TMEM214: variants seen among roughly 807,000 people sequenced by gnomAD.
TMEM214 encodes transmembrane protein 214.
Under a neutral mutation model 89.8 loss-of-function variants are expected in TMEM214, and 71 were observed. The ratio of observed to expected loss-of-function variants is 0.79; its 90% CI spans 0.65 to 0.96. TMEM214 has a LOEUF of 0.96. TMEM214 is among the 40% of genes least tolerant of loss of function. TMEM214 has a pLI of 0.00. For missense variants in TMEM214, 754 were observed against 843.4 expected, an observed-to-expected ratio of 0.89 and a Z score of 1.31; for synonymous variants, 332 against 349.5, an observed-to-expected ratio of 0.95 and a Z score of 0.56.
In TMEM214 at chr2:27,035,968, AGGGGAGTCACTACAT is replaced by A. The variant is rs779711130; in HGVS notation, c.639_653del (p.Glu214_Gly218del). The A allele has an allele frequency of 4.3e-6, 7 of 1,614,004 alleles. No individual in the cohort carries two copies. In the African/African-American group the frequency reaches 9.3e-5, roughly 22 times the overall value. ...TAGGTGTGAGAATGTGTATCTCTCC[AGGGGAGTCACTACAT>A]GGTTACCGCATCTGTATCCAGGCCA... On this transcript the variant is annotated splice_acceptor_variant and coding_sequence_variant, in exon 5 of 17. Transcript: ENST00000238788. LOFTEE classifies it high-confidence loss of function.
chr2:27,033,409 T>C (rs1446335148), intron 1 of TMEM214, among the ~76,000 whole-genome samples: 2 of 152,156 alleles, frequency 1.3e-5, no homozygotes, highest in African/African-American at 2.4e-5. Context: ...TCAGAGGGGC[T>C]AGGATTCCGG....
rs578217345 is a variant in TMEM214, at chr2:27,033,067, C to G, written c.52C>G (p.Arg18Gly). 8.0e-7 allele frequency: 1 copy of G among 1,247,690 alleles called. No individual in the cohort carries two copies. Among genetic ancestry groups the G allele is most frequent in the East Asian group, 3.2e-5 (1 of 31,668 alleles). 77.3% of individuals were successfully genotyped at this position (1,247,690 alleles called of 1,614,324 possible). ...VGRWEVVKKG[R>G]RPGVGAGAGG... ...GCGGTGGGAGGTAGTGAAGAAGGGT[C>G]GGCGGCCTGGGGTCGGCGCCGGCGC... is the stretch of plus-strand genomic sequence containing the variant. Residue 18 changes from arginine to glycine, a missense_variant, in exon 1 of 17, where the codon CGG becomes GGG. Transcript: ENST00000238788.
At chr2:27,035,919 G>T (rs1218963625) in intron 4 of TMEM214, 51 bp from the exon 5 acceptor site, 15 of 1,605,040 alleles carry the variant, frequency 9.3e-6, no homozygotes, top group Non-Finnish European at 1.2e-5. Context: ...GAGATTTCAG[G>T]TTTGGGATGC....
In TMEM214 at chr2:27,033,073, C is replaced by T. The variant is rs1264213491; in HGVS notation, c.58C>T (p.Pro20Ser). ...GGAGGTAGTGAAGAAGGGTCGGCGG[C>T]CTGGGGTCGGCGCCGGCGCCGGCGG... is the stretch of plus-strand genomic sequence containing the variant. ...RWEVVKKGRR[P>S]GVGAGAGGRG... The change falls in exon 1 of 17, where the codon CCT (proline) becomes TCT (serine). Residue 20 changes from proline to serine, a missense_variant. By Grantham distance (74) the Pro-to-Ser change is moderately conservative. Transcript: ENST00000238788. 8.0e-7 allele frequency: 1 copy of T among 1,247,460 alleles called. No individual in the cohort carries two copies. The highest frequency in any genetic ancestry group is 1.0e-6 in the Non-Finnish European group (1 of 987,898). 77.3% of individuals were successfully genotyped at this position (1,247,460 alleles called of 1,614,324 possible).
Position 27,041,111 on chromosome 2 carries a change from A to C in TMEM214, c.*274A>C. The stretch of plus-strand genomic sequence containing the variant: ...ATCCTTGTGCTGGTAGCCTCTCACA[A>C]CTCCGCCCTTGCCCTCTGCCTTCCA... On this transcript the variant is annotated 3_prime_UTR_variant, in exon 17 of 17. Coordinates refer to ENST00000238788, the MANE Select transcript of TMEM214 (RefSeq NM_017727.5). 2 of 387,596 alleles carry C rather than the reference A, an allele frequency of 5.2e-6. No homozygotes were observed. The highest frequency in any genetic ancestry group is 9.5e-6 in the Non-Finnish European group (2 of 210,974). The allele number at this position is 387,596 out of a possible 1,614,324, so 24.0% of individuals were successfully genotyped here.
chr2:27,040,134 T>A lies in TMEM214; in HGVS notation c.1727T>A (p.Leu576His). Reference protein sequence around the residue: ...WAHTNATVSFLSAHCASHLAW... With the variant: ...WAHTNATVSFHSAHCASHLAW... ...CACACCAATGCCACAGTCAGCTTCC[T>A]TTCTGCCCACTGTGCCTCTCACCTT... The change falls in exon 15 of 17, where the codon CTT (leucine) becomes CAT (histidine). Residue 576 changes from leucine to histidine, a missense_variant. Physicochemically the swap from Leu to His is moderately conservative, Grantham distance 99. Transcript: ENST00000238788. 6.2e-7 allele frequency: 1 copy of A among 1,608,886 alleles called. No homozygotes were observed.
chr2:27,041,111 A>G lies in TMEM214; in HGVS notation c.*274A>G, dbSNP rs1384867281. On this transcript the variant is annotated 3_prime_UTR_variant, in exon 17 of 17. Coordinates refer to ENST00000238788, the MANE Select transcript of TMEM214 (RefSeq NM_017727.5). ...ATCCTTGTGCTGGTAGCCTCTCACAACTCCGCCCTTGCCCTCTGCCTTCCA... is the reference window on the plus strand; with the variant it reads ...ATCCTTGTGCTGGTAGCCTCTCACAGCTCCGCCCTTGCCCTCTGCCTTCCA... The G allele has an allele frequency of 2.6e-6, 1 of 387,478 alleles. No homozygotes were observed. Among genetic ancestry groups the G allele is most frequent in the Non-Finnish European group, 4.7e-6 (1 of 210,982 alleles). 24.0% of individuals were successfully genotyped at this position (387,478 alleles called of 1,614,324 possible). A position where few individuals can be genotyped will look rare whatever the true frequency, so the allele number is the denominator to read the frequency against.
intron 2 of TMEM214, among the ~76,000 whole-genome samples, 180 bp from the exon 3 acceptor site, chr2:27,034,955 G>T (rs927728627): frequency 6.6e-6 from 1 of 152,302 alleles, no homozygotes; most frequent in Admixed American, 6.5e-5. Context: ...CAGCTGTCCT[G>T]TTCCATTCTT....
intron 1 of TMEM214, among the ~76,000 whole-genome samples, chr2:27,033,758 T>G (rs149713888): frequency 3.9e-4 from 59 of 152,298 alleles, no homozygotes; most frequent in African/African-American, 1.4e-3. Flanking sequence ...CTTCCCAGAC[T>G]AGTAGCCACT....
At chr2:27,040,519 C>G (rs148997838) in intron 16 of TMEM214, 23 bp downstream of exon 16, 3 of 1,609,438 alleles carry the variant, frequency 1.9e-6, no homozygotes, top group Non-Finnish European at 2.5e-6. Flanking sequence ...CCCAGGGCTC[C>G]GGCAGGATCC....
In TMEM214 at chr2:27,040,044, C is replaced by T. The variant is rs201187217; in HGVS notation, c.1637C>T (p.Thr546Ile). The T allele has an allele frequency of 1.0e-4, 165 of 1,605,502 alleles. No homozygotes were observed. Among genetic ancestry groups the T allele is most frequent in the Non-Finnish European group, 1.4e-4 (160 of 1,179,244 alleles). The change falls in exon 15 of 17, where the codon ACA becomes ATA. Residue 546 changes from threonine to isoleucine, a missense_variant. Physicochemically the swap from Thr to Ile is moderately conservative, Grantham distance 89 (BLOSUM62 -1). Transcript: ENST00000238788. ...ATCTTCCACAGCTGGCTGGGGGAGA[C>T]ACTGCCGCTCTGGGGCTCCCACCTG... ...SLQGYSWLGE[T>I]LPLWGSHLLT...
intron 2 of TMEM214, 27 bp from the exon 3 acceptor site, chr2:27,035,108 G>T (rs371640326): frequency 1.9e-6 from 3 of 1,611,538 alleles, no homozygotes; most frequent in South Asian, 1.1e-5. Flanking sequence ...TCGCCATGGT[G>T]GGGGGTTGGG....
intron 16 of TMEM214, 22 bp from the exon 17 acceptor site, chr2:27,040,689 A>C (rs1003602953): frequency 1.9e-6 from 3 of 1,612,308 alleles, no homozygotes; most frequent in Non-Finnish European, 2.5e-6. Context: ...GCATACTCAA[A>C]AATGTTCCAC....
chr2:27,035,214 A>T lies in TMEM214; in HGVS notation c.431A>T (p.Asp144Val). 6.2e-7 allele frequency: 1 copy of T among 1,614,192 alleles called. No individual in the cohort carries two copies. The highest frequency in any genetic ancestry group is 8.5e-7 in the Non-Finnish European group (1 of 1,180,028). Residue 144 changes from aspartate to valine, a missense_variant, in exon 3 of 17, where the codon GAC (aspartate) becomes GTC (valine). Transcript: ENST00000238788. The stretch of plus-strand genomic sequence containing the variant: ...GGAAACCCATCCATATGGTTGAAGG[A>T]CCTGGCCAGCTATCTCAACTACAAG... ...FSGNPSIWLK[D>V]LASYLNYKLQ...
In TMEM214 at chr2:27,040,122, C is replaced by G; in HGVS notation, c.1715C>G (p.Thr572Arg). The G allele has an allele frequency of 6.2e-7, 1 of 1,609,278 alleles. No individual in the cohort carries two copies. The stretch of plus-strand genomic sequence containing the variant: ...CTGGCCTGGGCTCACACCAATGCCA[C>G]AGTCAGCTTCCTTTCTGCCCACTGT... ...LQLAWAHTNATVSFLSAHCAS... is the reference protein window; with the variant it reads ...LQLAWAHTNARVSFLSAHCAS... Residue 572 changes from threonine (T) to arginine (R), a missense_variant, in exon 15 of 17, where the codon ACA (threonine) becomes AGA (arginine). Physicochemically the swap from Thr to Arg is moderately conservative, Grantham distance 71. Coordinates refer to ENST00000238788, the MANE Select transcript of TMEM214 (RefSeq NM_017727.5).
At chr2:27,036,175 C>T in intron 5 of TMEM214, 123 bp downstream of exon 5, 1 of 811,938 alleles carries the variant, frequency 1.2e-6, no homozygotes, top group Non-Finnish European at 2.1e-6. Flanking sequence ...TAATGGGTAA[C>T]ACTATTAGCA....
chr2:27,034,017 C>T (rs1193592178), intron 1 of TMEM214, 50 bp from the exon 2 acceptor site: 3 of 1,595,760 alleles, frequency 1.9e-6, no homozygotes, highest in African/African-American at 1.3e-5. Context: ...ATAGGTGAGG[C>T]CTTGGGGACT....
Position 27,038,620 on chromosome 2 carries a change from A to C in TMEM214, c.1294-82A>C. 6.3e-7 allele frequency: 1 copy of C among 1,595,730 alleles called. No homozygotes were observed. Among genetic ancestry groups the C allele is most frequent in the African/African-American group, 1.3e-5 (1 of 74,660 alleles). ...CTCCTCAGCCACTGTCCCTTCCCTG[A>C]GAAGGGACCCTGTTGGCATGGAAAA... is the stretch of plus-strand genomic sequence containing the variant. On this transcript the variant is annotated intron_variant, in intron 11 of 16. Coordinates refer to ENST00000238788, the MANE Select transcript of TMEM214 (RefSeq NM_017727.5). The surrounding 1 kb of genome is among the most constrained non-coding windows in gnomAD (Gnocchi z 4.4).
Position 27,035,993 on chromosome 2 carries a change from A to G in TMEM214, c.661A>G (p.Ile221Val), listed in dbSNP as rs369531050. The change falls in exon 5 of 17, where the codon ATC becomes GTC. Residue 221 changes from isoleucine (I) to valine (V), a missense_variant. Physicochemically the swap from Ile to Val is conservative, Grantham distance 29 (BLOSUM62 3). Transcript: ENST00000238788. ...TPGESLHGYR[I>V]CIQAILQDKP... ...AGGGGAGTCACTACATGGTTACCGC[A>G]TCTGTATCCAGGCCATCCTGCAAGA... 3 of 1,614,086 alleles carry G rather than the reference A, an allele frequency of 1.9e-6. No individual in the cohort carries two copies. Among genetic ancestry groups the G allele is most frequent in the Non-Finnish European group, 2.5e-6 (3 of 1,180,044 alleles).
Sources: gnomAD v4.1 joint callset for allele counts (sites outside exome capture counted in the v4.1 genomes callset) on GRCh38, gnomAD v4.1.1 for gene constraint, Gnocchi (gnomAD v3.1) non-coding constraint, MANE v1.5 for transcripts, NCBI Gene and HGNC (gene_info 2026-07-23, HGNC 2026-07-21) for gene names.